Variants in UNC5A observed in about 807,000 individuals in gnomAD.
UNC5A encodes unc-5 netrin receptor A.
A neutral mutation model predicts 87.4 loss-of-function variants in UNC5A; 20 were observed. That is an observed-to-expected ratio of 0.23 (90% CI 0.16 to 0.33). The LOEUF (loss-of-function observed/expected upper bound fraction) is 0.33, where lower values mean the gene tolerates loss of function less well. UNC5A is among the 10% of genes least tolerant of loss of function. The pLI is 1.00. For synonymous variants in UNC5A, 438 were observed against 482.3 expected, an observed-to-expected ratio of 0.91 and a Z score of 1.20; for missense variants, 844 against 1,133.4, an observed-to-expected ratio of 0.74 and a Z score of 3.67.
At chr5:176,876,559 G>A (rs957257249) in intron 8 of UNC5A, among the ~76,000 whole-genome samples, 1 of 152,142 alleles carries the variant, frequency 6.6e-6, no homozygotes, top group Non-Finnish European at 1.5e-5. Flanking sequence ...CCACTCACAC[G>A]CTGATCCTGC....
At chr5:176,832,099 G>A (rs1009785556) in intron 1 of UNC5A, among the ~76,000 whole-genome samples, 1 of 152,014 alleles carries the variant, frequency 6.6e-6, no homozygotes, top group Non-Finnish European at 1.5e-5. Context: ...GTTTCACCAT[G>A]TCGGCCAGGC....
At chr5:176,826,980 C>A (rs889120113) in intron 1 of UNC5A, among the ~76,000 whole-genome samples, 1 of 151,884 alleles carries the variant, frequency 6.6e-6, no homozygotes, top group African/African-American at 2.4e-5. Flanking sequence ...ATTAAGCAGT[C>A]ACTCCCCATT....
At chr5:176,863,730 CT>C (rs1757899012) in intron 2 of UNC5A, among the ~76,000 whole-genome samples, 1 of 128,476 alleles carries the variant, frequency 7.8e-6, no homozygotes, top group Non-Finnish European at 1.7e-5. Flanking sequence ...CCTCCTCCCC[CT>C]TTTCCCCCTC....
intron 1 of UNC5A, among the ~76,000 whole-genome samples, chr5:176,860,858 C>A (rs1757819359): frequency 1.3e-5 from 2 of 152,126 alleles, no homozygotes; most frequent in African/African-American, 2.4e-5. Flanking sequence ...GGAGGGCACA[C>A]AAGGGAAAAA....
intron 1 of UNC5A, among the ~76,000 whole-genome samples, chr5:176,839,830 T>C (rs1464218856): frequency 6.9e-6 from 1 of 144,836 alleles, no homozygotes; most frequent in African/African-American, 2.6e-5. Flanking sequence ...TTTTTTTTTT[T>C]TTTCTTGACA....
In UNC5A at chr5:176,859,133, GCCCTTGCTAGAGGGCATAGCTGCTACA is replaced by G. The variant is rs1561659388; in HGVS notation, c.71-3490_71-3464del. ...TGCTAGAGGGCATGGCTGCTAGAATGCCCTTGCTAGAGGGCATAGCTGCTACAATGTCCTTGCTAGAGGGCATGGCTG... is the reference window on the plus strand; with the variant it reads ...TGCTAGAGGGCATGGCTGCTAGAATGATGTCCTTGCTAGAGGGCATGGCTG... On this transcript the variant is annotated intron_variant, in intron 1 of 14. Transcript: ENST00000329542. Among the ~76,000 whole-genome samples, 761 of 119,036 alleles carry G rather than the reference GCCCTTGCTAGAGGGCATAGCTGCTACA, an allele frequency of 6.4e-3. 43 individuals carry two copies. The highest frequency in any genetic ancestry group is 0.026 in the African/African-American group (739 of 28,776). The allele number at this position is 119,036 out of a possible 152,430, so 78.1% of individuals were successfully genotyped here.
chr5:176,856,852 A>G (rs1757678953), intron 1 of UNC5A, among the ~76,000 whole-genome samples: 2 of 152,020 alleles, frequency 1.3e-5, no homozygotes, highest in Admixed American at 1.3e-4. Flanking sequence ...CCTGGCAATG[A>G]AATCCCAACT....
At chr5:176,858,404 G>A (rs1345786885) in intron 1 of UNC5A, among the ~76,000 whole-genome samples, 2 of 152,174 alleles carry the variant, frequency 1.3e-5, no homozygotes, top group African/African-American at 4.8e-5. Context: ...GAGGTGGGAA[G>A]CTCCTGCCTC....
rs1045271126 is a variant in UNC5A at position 176,875,951 on chromosome 5, G to A, written c.1379-1241G>A. On this transcript the variant is annotated intron_variant, in intron 8 of 14. Coordinates refer to ENST00000329542, the MANE Select transcript of UNC5A (RefSeq NM_133369.3). The surrounding 1 kb of genome is among the most constrained non-coding windows in gnomAD (Gnocchi z 5.2). ...GGCTGTTGGGATGACGAGGTGAGAC[G>A]GCATCTGTCAGCTCTTACAGAGACG... Among the ~76,000 whole-genome samples, 4 of 152,244 alleles carry A rather than the reference G, an allele frequency of 2.6e-5. No individual in the cohort carries two copies. The highest frequency in any genetic ancestry group is 6.5e-5 in the Admixed American group (1 of 15,290).
At chr5:176,867,570 C>T (rs1044825526) in intron 2 of UNC5A, among the ~76,000 whole-genome samples, 27 of 152,218 alleles carry the variant, frequency 1.8e-4, no homozygotes, top group African/African-American at 6.5e-4. Context: ...ATCCCCATCC[C>T]GGCACGTGGG....
chr5:176,817,282 G>T (rs1756611410), intron 1 of UNC5A, among the ~76,000 whole-genome samples: 1 of 152,116 alleles, frequency 6.6e-6, no homozygotes, highest in East Asian at 1.9e-4. Flanking sequence ...AGATGGGGAG[G>T]GGGTGGGGGG....
intron 1 of UNC5A, 65 bp from the exon 2 acceptor site, chr5:176,862,559 G>A: frequency 6.7e-7 from 1 of 1,484,136 alleles, no homozygotes; most frequent in Admixed American, 1.9e-5. Flanking sequence ...ATCGTTTGCT[G>A]AGCCGCTGCC....
At chr5:176,850,753 G>A (rs1249036861) in intron 1 of UNC5A, among the ~76,000 whole-genome samples, 1 of 152,184 alleles carries the variant, frequency 6.6e-6, no homozygotes, top group Non-Finnish European at 1.5e-5. Context: ...TTTTCCTGTG[G>A]GCCATTGTAT....
At chr5:176,835,595 G>A (rs1757133165) in intron 1 of UNC5A, among the ~76,000 whole-genome samples, 1 of 152,214 alleles carries the variant, frequency 6.6e-6, no homozygotes, top group Admixed American at 6.5e-5. Context: ...CCTTCAAAGG[G>A]TAGCTCCAAA....
chr5:176,864,706 A>C, intron 2 of UNC5A: 1 of 374,044 alleles, frequency 2.7e-6, no homozygotes. Context: ...GCAGCTTCTC[A>C]CCTGCGGTCT....
At position 176,838,894 on chromosome 5, in the gene UNC5A, C is replaced by T. The variant is rs1757204061; in HGVS notation, c.71-23730C>T. Among the ~76,000 whole-genome samples, 1 of 152,212 alleles carries T rather than the reference C, an allele frequency of 6.6e-6. No individual in the cohort carries two copies. The highest frequency in any genetic ancestry group is 2.1e-4 in the South Asian group (1 of 4,832). On this transcript the variant is annotated intron_variant, in intron 1 of 14. Transcript: ENST00000329542. This position sits in a 1 kb window ranked among gnomAD's most constrained non-coding sequence, Gnocchi z 4.2. ...TTGGTTTAAGCCAATCAGGGTCCATCCCTGAAGCTGGTAGGGGTCATTTCC... is the reference window on the plus strand; with the variant it reads ...TTGGTTTAAGCCAATCAGGGTCCATTCCTGAAGCTGGTAGGGGTCATTTCC...
intron 1 of UNC5A, among the ~76,000 whole-genome samples, chr5:176,822,337 A>G (rs1434050783): frequency 1.3e-5 from 2 of 152,324 alleles, no homozygotes; most frequent in Non-Finnish European, 2.9e-5. Flanking sequence ...AGCAGCAGGT[A>G]TCAAGGGCAG....
Position 176,879,716 on chromosome 5 carries a change from C to T in UNC5A, c.2364-5C>T. On this transcript the variant is annotated splice_region_variant and splice_polypyrimidine_tract_variant and intron_variant, in intron 14 of 14. Transcript: ENST00000329542. ...GGCTGCTGACGGCCCCCCTCCCCTC[C>T]ACAGCCATCTCAGCTTCTTTGCCTC... is the stretch of plus-strand genomic sequence containing the variant. The T allele has an allele frequency of 6.2e-7, 1 of 1,612,064 alleles. No individual in the cohort carries two copies. Among genetic ancestry groups the T allele is most frequent in the South Asian group, 1.1e-5 (1 of 90,988 alleles).
At chr5:176,852,119 C>T (rs1757558892) in intron 1 of UNC5A, among the ~76,000 whole-genome samples, 1 of 152,186 alleles carries the variant, frequency 6.6e-6, no homozygotes, top group Non-Finnish European at 1.5e-5. Context: ...TTCTTTATGT[C>T]TCTCTCAGCC....
Sources: gnomAD v4.1 joint callset for allele counts (sites outside exome capture counted in the v4.1 genomes callset) on GRCh38, gnomAD v4.1.1 for gene constraint, Gnocchi (gnomAD v3.1) non-coding constraint, MANE v1.5 for transcripts, NCBI Gene and HGNC (gene_info 2026-07-23, HGNC 2026-07-21) for gene names.